SLC35F3: variants seen among roughly 807,000 people sequenced by gnomAD.
SLC35F3 encodes solute carrier family 35 member F3, also known as putative thiamine transporter SLC35F3.
SLC35F3 carries 25 observed loss-of-function variants against 49.9 expected under a neutral mutation model. That is an observed-to-expected ratio of 0.50 (90% CI 0.37 to 0.70). SLC35F3 has a LOEUF of 0.70. Among genes scored for constraint, SLC35F3 ranks in the 30% least tolerant of loss-of-function variants. The pLI is 0.00. For synonymous variants in SLC35F3, 275 were observed against 265.4 expected (o/e 1.04, Z -0.35); for missense variants, 525 against 639.8 (o/e 0.82, Z 1.94).
chr1:234,139,966 A>AAATAAAATAAAAT (rs1332619706), intron 2 of SLC35F3, among the ~76,000 whole-genome samples: 12 of 133,374 alleles, frequency 9.0e-5, no homozygotes, highest in African/African-American at 3.1e-4. Context: ...AAATAAAATA[A>AAATAAAATAAAAT]AATAAAATAA....
chr1:234,266,709 C>T (rs972399546), intron 3 of SLC35F3, among the ~76,000 whole-genome samples: 39 of 152,060 alleles, frequency 2.6e-4, no homozygotes, highest in African/African-American at 2.4e-5. Flanking sequence ...CAGCGTGTTA[C>T]GGTACTGAAT....
chr1:233,930,571 G>A (rs889540341), intron 2 of SLC35F3, among the ~76,000 whole-genome samples: 2 of 152,092 alleles, frequency 1.3e-5, no homozygotes, highest in African/African-American at 4.8e-5. Context: ...AAACATGGGG[G>A]TTGATGCACA....
At chr1:234,005,830 G>T (rs1663622456) in intron 2 of SLC35F3, among the ~76,000 whole-genome samples, 1 of 152,106 alleles carries the variant, frequency 6.6e-6, no homozygotes, top group Admixed American at 6.6e-5. Flanking sequence ...GGTTTGTGTG[G>T]AAAGACTACG....
intron 3 of SLC35F3, among the ~76,000 whole-genome samples, chr1:234,279,569 G>A (rs530257526): frequency 6.6e-5 from 10 of 152,220 alleles, no homozygotes; most frequent in Admixed American, 3.3e-4. Flanking sequence ...GAAGAACATC[G>A]GCATGGTGTT....
At chr1:234,284,748 A>G (rs745882380) in intron 3 of SLC35F3, among the ~76,000 whole-genome samples, 1 of 152,192 alleles carries the variant, frequency 6.6e-6, no homozygotes. Flanking sequence ...CTGAATGATG[A>G]TGCTCCGGGG....
chr1:234,032,499 C>T (rs1664078907), intron 2 of SLC35F3, among the ~76,000 whole-genome samples: 1 of 152,050 alleles, frequency 6.6e-6, no homozygotes, highest in Non-Finnish European at 1.5e-5. Flanking sequence ...CAGTTTTATT[C>T]CTCACCTCCC....
At chr1:234,172,879 G>A (rs940017355) in intron 2 of SLC35F3, among the ~76,000 whole-genome samples, 13 of 152,222 alleles carry the variant, frequency 8.5e-5, no homozygotes, top group African/African-American at 3.1e-4. Flanking sequence ...TCACTATGCA[G>A]TGCGTGGCTG....
chr1:234,267,823 G>GT (rs1558091790), intron 3 of SLC35F3, among the ~76,000 whole-genome samples: 91 of 139,028 alleles, frequency 6.5e-4, no homozygotes, highest in African/African-American at 2.4e-3. Context: ...AGACAGGGTT[G>GT]CGCCCAGCAG....
In SLC35F3 at chr1:234,023,275, A is replaced by T. The variant is rs183856320; in HGVS notation, c.283+117517A>T. Among the ~76,000 whole-genome samples the T allele has an allele frequency of 2.6e-3, 403 of 152,296 alleles. 1 individual carries two copies. Among genetic ancestry groups the T allele is most frequent in the Middle Eastern group, 0.017 (5 of 294 alleles). On this transcript the variant is annotated intron_variant, in intron 2 of 7. Transcript: ENST00000366618. ...CAGCTGATTTTAGAGCTGAGGAAGA[A>T]ATATACAGATAAGCCTGGAGTATCT... is the stretch of plus-strand genomic sequence containing the variant.
At position 234,264,781 on chromosome 1, in the gene SLC35F3, G is replaced by A. The variant is rs550533491; in HGVS notation, c.608+33040G>A. ...TTGCACAGGTTGGCTTCAAACTCCTGGGCTCAAGTGATCCTCCCACATCAG... is the reference window on the plus strand; with the variant it reads ...TTGCACAGGTTGGCTTCAAACTCCTAGGCTCAAGTGATCCTCCCACATCAG... On this transcript the variant is annotated intron_variant, in intron 3 of 7. Coordinates refer to ENST00000366618, the MANE Select transcript of SLC35F3 (RefSeq NM_173508.4). Among the ~76,000 whole-genome samples the A allele has an allele frequency of 5.9e-5, 9 of 152,210 alleles. No individual in the cohort carries two copies. The South Asian group carries it at 1.2e-3, about 21-fold the overall frequency.
chr1:233,951,436 C>T (rs1436221693), intron 2 of SLC35F3, among the ~76,000 whole-genome samples: 2 of 151,976 alleles, frequency 1.3e-5, no homozygotes, highest in Non-Finnish European at 2.9e-5. Flanking sequence ...GTGCCCTCTA[C>T]AGGTGTACCT....
At chr1:234,246,821 A>T (rs1667637794) in intron 3 of SLC35F3, among the ~76,000 whole-genome samples, 1 of 152,246 alleles carries the variant, frequency 6.6e-6, no homozygotes, top group Non-Finnish European at 1.5e-5. Context: ...AGCAGAGCAG[A>T]GTGCTATTGT....
intron 2 of SLC35F3, among the ~76,000 whole-genome samples, chr1:233,949,889 T>C (rs1662575726): frequency 6.6e-6 from 1 of 152,104 alleles, no homozygotes; most frequent in South Asian, 2.1e-4. Flanking sequence ...AAAGCCGTAC[T>C]TCAGACCCTG....
intron 2 of SLC35F3, among the ~76,000 whole-genome samples, chr1:233,956,982 C>T (rs1662716140): frequency 6.6e-6 from 1 of 152,210 alleles, no homozygotes; most frequent in African/African-American, 2.4e-5. Context: ...GGAGTTAGCA[C>T]ATGGAGGGCA....
intron 2 of SLC35F3, among the ~76,000 whole-genome samples, chr1:233,951,860 C>T (rs1662613107): frequency 6.6e-6 from 1 of 152,064 alleles, no homozygotes; most frequent in African/African-American, 2.4e-5. Flanking sequence ...GCATGAACCA[C>T]CATGCCCAGC....
chr1:233,988,516 C>T (rs993210276), intron 2 of SLC35F3, among the ~76,000 whole-genome samples: 1 of 152,154 alleles, frequency 6.6e-6, no homozygotes, highest in Non-Finnish European at 1.5e-5. Flanking sequence ...GTGCCTGGTG[C>T]TATTCGTGTC....
intron 2 of SLC35F3, among the ~76,000 whole-genome samples, chr1:233,995,585 T>C (rs1166745577): frequency 6.6e-6 from 1 of 152,198 alleles, no homozygotes; most frequent in African/African-American, 2.4e-5. Flanking sequence ...GCAGTCAGCA[T>C]CCCAAATTGC....
At chr1:234,267,721 G>T (rs370123144) in intron 3 of SLC35F3, among the ~76,000 whole-genome samples, 5,771 of 148,348 alleles carry the variant, frequency 0.039, 82 homozygotes, top group Middle Eastern at 0.079. Context: ...CGGACGGAGG[G>T]GCTCCTCACT....
At chr1:234,084,620 A>C (rs1664933759) in intron 2 of SLC35F3, among the ~76,000 whole-genome samples, 1 of 152,244 alleles carries the variant, frequency 6.6e-6, no homozygotes, top group South Asian at 2.1e-4. Context: ...TTAGCAAAGA[A>C]GATCTTGATT....
Sources: gnomAD v4.1 joint callset for allele counts (sites outside exome capture counted in the v4.1 genomes callset) on GRCh38, gnomAD v4.1.1 for gene constraint, MANE v1.5 for transcripts, NCBI Gene and HGNC (gene_info 2026-07-23, HGNC 2026-07-21) for gene names.